The following ANLN variants were observed in gnomAD, a reference collection of about 807,000 sequenced individuals.
The protein encoded by ANLN is anillin, actin binding protein.
Under a neutral mutation model 135.1 loss-of-function variants are expected in ANLN, and 59 were observed. The observed-to-expected ratio is 0.44, with a 90% CI of 0.35 to 0.54. ANLN has a LOEUF of 0.54. ANLN is among the 20% of genes least tolerant of loss of function. ANLN has a pLI of 0.00. For synonymous variants in ANLN, 406 were observed against 456.4 expected, an observed-to-expected ratio of 0.89 and a Z score of 1.41; for missense variants, 1,182 against 1,340.0, an observed-to-expected ratio of 0.88 and a Z score of 1.84.
intron 20 of ANLN, among the ~76,000 whole-genome samples, chr7:36,433,459 T>C (rs1788409271): frequency 6.7e-6 from 1 of 149,292 alleles, no homozygotes; most frequent in African/African-American, 2.4e-5. Context: ...CATCATTCTT[T>C]TCTGTTTTTT....
intron 3 of ANLN, among the ~76,000 whole-genome samples, chr7:36,403,061 G>C (rs1787025177): frequency 6.6e-6 from 1 of 152,082 alleles, no homozygotes; most frequent in African/African-American, 2.4e-5. Flanking sequence ...AGGTTGCAGT[G>C]AGCCGAGATC....
At chr7:36,427,379 G>GT (rs1554346231) in intron 20 of ANLN, among the ~76,000 whole-genome samples, 2 of 128,012 alleles carry the variant, frequency 1.6e-5, no homozygotes, top group Admixed American at 8.8e-5. Flanking sequence ...TTGTTTTTTT[G>GT]TTTTTTTGTT....
chr7:36,415,696 C>T, intron 7 of ANLN, 62 bp from the exon 8 acceptor site: 7 of 1,451,518 alleles, frequency 4.8e-6, no homozygotes, highest in Non-Finnish European at 6.5e-6. Context: ...CATTTAATAA[C>T]ATAGAAAGAT....
chr7:36,432,413 T>C (rs1006326665), intron 20 of ANLN, among the ~76,000 whole-genome samples: 2 of 152,240 alleles, frequency 1.3e-5, no homozygotes, highest in East Asian at 1.9e-4. Flanking sequence ...GCATTAAATA[T>C]TCAAGTTGAA....
At chr7:36,418,430 A>G (rs1363080107) in intron 9 of ANLN, among the ~76,000 whole-genome samples, 1 of 152,258 alleles carries the variant, frequency 6.6e-6, no homozygotes, top group African/African-American at 2.4e-5. Context: ...TTATAACGAA[A>G]GACAGTAACT....
intron 21 of ANLN, 64 bp from the exon 22 acceptor site, chr7:36,443,691 G>A: frequency 9.7e-7 from 1 of 1,030,462 alleles, no homozygotes; most frequent in Non-Finnish European, 1.5e-6. Flanking sequence ...TACAGAATCA[G>A]CATTTCATTG....
At chr7:36,446,105 G>A (rs772299063) in intron 22 of ANLN, among the ~76,000 whole-genome samples, 4 of 151,962 alleles carry the variant, frequency 2.6e-5, no homozygotes, top group Non-Finnish European at 4.4e-5. Context: ...TAGGCCTGGC[G>A]TATCTTTTAA....
Position 36,402,112 on chromosome 7 carries a change from AT to A in ANLN, c.487+2736del, listed in dbSNP as rs572615037. ...GTAACATTGCCTCTTCAATAAAGCT[AT>A]TTTTTTTTTTTTTTTTGAGGTGGAG... On this transcript the variant is annotated intron_variant, in intron 3 of 23. Coordinates refer to ENST00000265748, the MANE Select transcript of ANLN (RefSeq NM_018685.5). 3.8e-3 allele frequency among the ~76,000 whole-genome samples: 344 copies of A among 89,698 alleles called. 53 individuals are homozygous for A. Among genetic ancestry groups the A allele is most frequent in the Middle Eastern group, 0.012 (2 of 170 alleles). The allele number at this position is 89,698 out of a possible 152,430, so 58.8% of individuals were successfully genotyped here.
chr7:36,433,426 T>A (rs1189568958), intron 20 of ANLN, among the ~76,000 whole-genome samples: 1 of 152,200 alleles, frequency 6.6e-6, no homozygotes, highest in Non-Finnish European at 1.5e-5. Flanking sequence ...GCTTTAATTG[T>A]TTCTAATAAG....
intron 1 of ANLN, among the ~76,000 whole-genome samples, chr7:36,394,280 G>A (rs1346997841): frequency 6.6e-6 from 1 of 152,136 alleles, no homozygotes; most frequent in Non-Finnish European, 1.5e-5. Context: ...TGTTTAAACA[G>A]CAAAAGGAGG....
intron 21 of ANLN, among the ~76,000 whole-genome samples, chr7:36,440,418 A>T (rs914142678): frequency 2.2e-4 from 34 of 152,216 alleles, no homozygotes; most frequent in African/African-American, 7.7e-4. Flanking sequence ...GTGAGGGCAG[A>T]TGCTAGACTG....
At chr7:36,414,728 T>G (rs536828936) in intron 7 of ANLN, among the ~76,000 whole-genome samples, 1 of 152,242 alleles carries the variant, frequency 6.6e-6, no homozygotes, top group Non-Finnish European at 1.5e-5. Flanking sequence ...TATTTTTTAA[T>G]CCACTCATCT....
intron 20 of ANLN, among the ~76,000 whole-genome samples, chr7:36,433,441 C>A (rs555871339): frequency 6.6e-6 from 1 of 152,022 alleles, no homozygotes; most frequent in Admixed American, 6.5e-5. Context: ...AATAAGAAGT[C>A]AGCCAGCCAT....
At chr7:36,424,163 A>G (rs1487690617) in intron 15 of ANLN, among the ~76,000 whole-genome samples, 2 of 152,152 alleles carry the variant, frequency 1.3e-5, no homozygotes, top group African/African-American at 2.4e-5. Flanking sequence ...TGTAGGTATT[A>G]CATATTTTGA....
intron 23 of ANLN, 93 bp downstream of exon 23, chr7:36,449,930 A>T (rs1789176903): frequency 7.7e-7 from 1 of 1,300,954 alleles, no homozygotes; most frequent in Non-Finnish European, 1.1e-6. Context: ...ATGGTCCTTG[A>T]CGTTGAAAAG....
chr7:36,398,765 C>A (rs932262080), intron 2 of ANLN, among the ~76,000 whole-genome samples: 3 of 150,832 alleles, frequency 2.0e-5, no homozygotes, highest in African/African-American at 7.3e-5. Flanking sequence ...CCCTCGCCCC[C>A]CTTCCGCTCT....
intron 3 of ANLN, among the ~76,000 whole-genome samples, chr7:36,403,814 T>G (rs1188203090): frequency 6.6e-6 from 1 of 152,070 alleles, no homozygotes; most frequent in Non-Finnish European, 1.5e-5. Flanking sequence ...CAAGCCCAGC[T>G]AAGTTTTGCA....
chr7:36,410,817 T>C (rs925582103), intron 6 of ANLN, 113 bp downstream of exon 6: 11 of 1,152,844 alleles, frequency 9.5e-6, no homozygotes, highest in African/African-American at 1.6e-5. Context: ...CATCTTGGTT[T>C]TCTGTATCAC....
intron 20 of ANLN, among the ~76,000 whole-genome samples, chr7:36,428,856 G>A (rs1788198566): frequency 7.0e-6 from 1 of 143,036 alleles, no homozygotes; most frequent in Non-Finnish European, 1.5e-5. Context: ...GTGGCTCACT[G>A]CAACCTCTGC....
Sources: allele counts gnomAD v4.1 joint callset (sites outside exome capture counted in the v4.1 genomes callset), GRCh38; gene constraint gnomAD v4.1.1; transcripts MANE v1.5; gene names NCBI Gene and HGNC (gene_info 2026-07-23, HGNC 2026-07-21).